RICTOR: variants seen among roughly 807,000 people sequenced by gnomAD.
The protein encoded by RICTOR is rapamycin-insensitive companion of mTOR.
In RICTOR, 49 loss-of-function variants were observed where a neutral mutation model predicts 214.9. The observed-to-expected ratio is 0.23, with a 90% confidence interval of 0.18 to 0.29. The LOEUF is 0.29. RICTOR is among the 10% of genes least tolerant of loss of function. The pLI, the probability that RICTOR is intolerant of heterozygous loss-of-function variation, is 1.00. For missense variants in RICTOR, 1,625 were observed against 2,047.0 expected, an observed-to-expected ratio of 0.79 and a Z score of 3.98; for synonymous variants, 717 against 711.3, an observed-to-expected ratio of 1.01 and a Z score of -0.13.
intron 6 of RICTOR, among the ~76,000 whole-genome samples, chr5:38,994,375 G>C (rs1753008247): frequency 7.6e-6 from 1 of 131,676 alleles, no homozygotes; most frequent in Non-Finnish European, 1.6e-5. Context: ...CAAGCGTTTT[G>C]GATAAGGAAT....
Position 38,953,507 on chromosome 5 carries a change from T to C in RICTOR, c.2744A>G (p.Asp915Gly). 1.3e-6 allele frequency: 2 copies of C among 1,503,368 alleles called. No individual in the cohort carries two copies. The highest frequency in any genetic ancestry group is 1.8e-6 in the Non-Finnish European group (2 of 1,121,854). The allele number at this position is 1,503,368 out of a possible 1,614,324, so 93.1% of individuals were successfully genotyped here. A position where few individuals can be genotyped will look rare whatever the true frequency, so the allele number is the denominator to read the frequency against. Residue 915 changes from aspartate (D) to glycine (G), a missense_variant, in exon 28 of 38, where the codon GAT (aspartate) becomes GGT (glycine). Asp to Gly is a moderately conservative substitution (Grantham distance 94, BLOSUM62 -1). Coordinates refer to ENST00000357387, the MANE Select transcript of RICTOR (RefSeq NM_152756.5). Reference protein sequence around the residue: ...LCRNVRTPDLDKWEEIKKLKA... With the variant: ...LCRNVRTPDLGKWEEIKKLKA... ...CAGTTTTTTAATTTCTTCCCACTTA[T>C]CCAAATCTGGTGTACGAACATTACG... is the stretch of plus-strand genomic sequence containing the variant.
intron 27 of RICTOR, among the ~76,000 whole-genome samples, chr5:38,954,477 A>G (rs1749064454): frequency 6.6e-6 from 1 of 151,916 alleles, no homozygotes; most frequent in African/African-American, 2.4e-5. Flanking sequence ...GAATTTCTCC[A>G]CTAAACTCTA....
At chr5:39,042,051 C>T (rs570010808) in intron 2 of RICTOR, among the ~76,000 whole-genome samples, 28 of 151,784 alleles carry the variant, frequency 1.8e-4, no homozygotes, top group African/African-American at 6.3e-4. Flanking sequence ...AAGTAGATTA[C>T]CATAGAAATA....
At chr5:38,983,257 T>G (rs1240033356) in intron 7 of RICTOR, among the ~76,000 whole-genome samples, 2 of 152,196 alleles carry the variant, frequency 1.3e-5, no homozygotes, top group African/African-American at 4.8e-5. Context: ...GTCTTATATA[T>G]TTTCTTTTCT....
intron 5 of RICTOR, among the ~76,000 whole-genome samples, chr5:38,999,840 C>T (rs113365272): frequency 5.3e-3 from 803 of 151,286 alleles, no homozygotes; most frequent in Non-Finnish European, 7.9e-3. Flanking sequence ...GTTGGTCAAA[C>T]CAGATATAAA....
rs761493016 is a variant in RICTOR, at chr5:39,002,586, G to C, written c.341C>G (p.Ser114Cys). ...TTTTAGCACCTTCTGGAGAATACTG[G>C]AGTCTTGGATGAGATATCGAAGCGC... The part of the protein sequence containing the change: ...LRALRYLIQD[S>C]SILQKVLKLK... The change falls in exon 5 of 38, where the codon TCC (serine) becomes TGC (cysteine). Residue 114 changes from serine (S) to cysteine (C), a missense_variant. Physicochemically the swap from Ser to Cys is moderately radical, Grantham distance 112. Around this residue, in one of 5 missense-constraint regions of RICTOR, gnomAD observed 258 missense variants for 393.7 expected, o/e 0.66. Coordinates refer to ENST00000357387, the MANE Select transcript of RICTOR (RefSeq NM_152756.5). 3 of 1,611,330 alleles carry C rather than the reference G, an allele frequency of 1.9e-6. No individual in the cohort carries two copies. The highest frequency in any genetic ancestry group is 2.5e-6 in the Non-Finnish European group (3 of 1,177,870).
At chr5:39,035,029 C>T (rs1756566518) in intron 2 of RICTOR, among the ~76,000 whole-genome samples, 1 of 152,208 alleles carries the variant, frequency 6.6e-6, no homozygotes, top group Admixed American at 6.5e-5. Context: ...CAAGTGGGTC[C>T]CTGACCCCTG....
At chr5:38,982,925 T>G (rs1281248969) in intron 7 of RICTOR, among the ~76,000 whole-genome samples, 1 of 152,100 alleles carries the variant, frequency 6.6e-6, no homozygotes, top group African/African-American at 2.4e-5. Flanking sequence ...TCTTTACTGT[T>G]TATTCTTCCA....
intron 2 of RICTOR, among the ~76,000 whole-genome samples, chr5:39,036,379 C>T (rs965379451): frequency 6.6e-6 from 1 of 152,146 alleles, no homozygotes; most frequent in Non-Finnish European, 1.5e-5. Flanking sequence ...ATTGTAAAGA[C>T]CATCAGGGCT....
rs544732808 is a variant in RICTOR at position 39,007,503 on chromosome 5, C to A, written c.196-3881G>T. Among the ~76,000 whole-genome samples the A allele has an allele frequency of 5.1e-4, 77 of 152,168 alleles. 1 individual carries two copies. The highest frequency in any genetic ancestry group is 1.8e-3 in the African/African-American group (74 of 41,528). ...TAGAAATTCAACATACGAATTTTGA[C>A]GAGACACAATTCAGCTCACAGCATT... On this transcript the variant is annotated intron_variant, in intron 3 of 37. Transcript: ENST00000357387.
chr5:39,016,427 G>A (rs1484255983), intron 3 of RICTOR, among the ~76,000 whole-genome samples: 5 of 151,752 alleles, frequency 3.3e-5, no homozygotes, highest in Non-Finnish European at 7.4e-5. Flanking sequence ...AAAGGAAGAA[G>A]TAGAGAAGGG....
chr5:38,951,826 C>G (rs1748808970), intron 30 of RICTOR, among the ~76,000 whole-genome samples: 1 of 151,916 alleles, frequency 6.6e-6, no homozygotes, highest in Non-Finnish European at 1.5e-5. Flanking sequence ...AAAATATATT[C>G]TGGCTCAACA....
intron 2 of RICTOR, among the ~76,000 whole-genome samples, chr5:39,045,385 C>A: frequency 6.6e-6 from 1 of 152,008 alleles, no homozygotes; most frequent in South Asian, 2.1e-4. Context: ...CTTGAACAAC[C>A]CTTTCTAAGA....
In RICTOR at chr5:39,045,834, G is replaced by C. The variant is rs188967193; in HGVS notation, c.98-24698C>G. On this transcript the variant is annotated intron_variant, in intron 2 of 37. Transcript: ENST00000357387. Reference sequence around the variant, plus strand: ...TAGAAACTAATAAGGGAGAGCAAAGGTATAAATATACCTTGGCTGTAGGAC... The same window carrying C: ...TAGAAACTAATAAGGGAGAGCAAAGCTATAAATATACCTTGGCTGTAGGAC... Among the ~76,000 whole-genome samples, 722 of 152,060 alleles carry C rather than the reference G, an allele frequency of 4.7e-3. 5 individuals carry two copies. The highest frequency in any genetic ancestry group is 0.015 in the African/African-American group (614 of 41,480).
intron 3 of RICTOR, 44 bp downstream of exon 3, chr5:39,020,995 G>A (rs770264192): frequency 6.3e-6 from 6 of 949,928 alleles, no homozygotes; most frequent in African/African-American, 4.8e-5. Flanking sequence ...AGTGTGGTAA[G>A]GAACAAAGAA....
intron 2 of RICTOR, among the ~76,000 whole-genome samples, chr5:39,062,374 T>C (rs534938239): frequency 6.6e-6 from 1 of 152,106 alleles, no homozygotes; most frequent in African/African-American, 2.4e-5. Context: ...ACCACTGGAG[T>C]CTCTCCCTGC....
chr5:39,074,167 AACAG>A lies in RICTOR; in HGVS notation c.50-13_50-10del. The stretch of plus-strand genomic sequence containing the variant: ...GCCGCTGTCATTCCGCCCTGCGCGA[AACAG>A]ACACACAGCCCCAATTAGGATTGGC... On this transcript the variant is annotated splice_polypyrimidine_tract_variant and intron_variant, in intron 1 of 37. Coordinates refer to ENST00000357387, the MANE Select transcript of RICTOR (RefSeq NM_152756.5). The A allele has an allele frequency of 1.3e-6, 2 of 1,589,820 alleles. No individual in the cohort carries two copies. The highest frequency in any genetic ancestry group is 1.7e-6 in the Non-Finnish European group (2 of 1,169,592).
intron 2 of RICTOR, among the ~76,000 whole-genome samples, chr5:39,024,088 G>A (rs1008702948): frequency 6.6e-6 from 1 of 152,226 alleles, no homozygotes; most frequent in Admixed American, 6.5e-5. Flanking sequence ...TAAGGAGTGC[G>A]CAACCTAGAT....
At position 39,052,777 on chromosome 5, in the gene RICTOR, T is replaced by C. The variant is rs114431642; in HGVS notation, c.97+21334A>G. Among the ~76,000 whole-genome samples, 724 of 152,366 alleles carry C rather than the reference T, an allele frequency of 4.8e-3. 2 individuals carry two copies. The highest frequency in any genetic ancestry group is 6.8e-3 in the Admixed American group (104 of 15,306). Reference sequence around the variant, plus strand: ...TCGTACCTAGAGAGCCTCCTTCTTTTGTTAAAAGTCTTCTGAAATTAAGTG... The same window carrying C: ...TCGTACCTAGAGAGCCTCCTTCTTTCGTTAAAAGTCTTCTGAAATTAAGTG... On this transcript the variant is annotated intron_variant, in intron 2 of 37. Transcript: ENST00000357387.
Sources: gnomAD v4.1 joint callset for allele counts (sites outside exome capture counted in the v4.1 genomes callset) on GRCh38, gnomAD v4.1.1 for gene constraint, gnomAD v4.1.1 regional missense constraint, MANE v1.5 for transcripts, NCBI Gene and HGNC (gene_info 2026-07-23, HGNC 2026-07-21) for gene names.